Variants in PITX1 observed in about 807,000 individuals in gnomAD.
The protein encoded by PITX1 is paired like homeodomain 1.
In PITX1, 5 loss-of-function variants were observed where a neutral mutation model predicts 24.1. The observed-to-expected ratio is 0.21, with a 90% CI of 0.11 to 0.44. PITX1 has a LOEUF of 0.44. Ranked by LOEUF, PITX1 falls within the 20% of genes least tolerant of loss-of-function variation. The probability of loss-of-function intolerance (pLI) is 0.99; values close to 1 mark genes in which losing one functional copy is unlikely to be tolerated. For synonymous variants in PITX1, 213 were observed against 208.9 expected, an observed-to-expected ratio of 1.02 and a Z score of -0.17; for missense variants, 401 against 455.4, an observed-to-expected ratio of 0.88 and a Z score of 1.09.
Position 135,029,149 on chromosome 5 carries a change from G to A in PITX1, c.575C>T (p.Ala192Val), listed in dbSNP as rs201656428. 56 of 1,614,122 alleles carry A rather than the reference G, an allele frequency of 3.5e-5. No individual in the cohort carries two copies. The highest frequency in any genetic ancestry group is 1.9e-5 in the Non-Finnish European group (23 of 1,180,050). The change falls in exon 3 of 3, where the codon GCG becomes GTG. Residue 192 changes from alanine (A) to valine (V), a missense_variant. Ala to Val is a moderately conservative substitution (Grantham distance 64). Around this residue, in one of 3 missense-constraint regions of PITX1, gnomAD observed 217 missense variants for 219.8 expected, o/e 0.99. Transcript: ENST00000265340. ...NNWAAKSLAP[A>V]PLSTKSFTFF... ...GGTGAAGCTCTTGGTGGAGAGCGGC[G>A]CTGGCGCCAGGCTCTTGGCGGCCCA...
In PITX1 at chr5:135,033,643, C is replaced by T; in HGVS notation, c.169+70G>A. On this transcript the variant is annotated intron_variant, in intron 1 of 2. Transcript: ENST00000265340. The surrounding 1 kb of genome is among the most constrained non-coding windows in gnomAD (Gnocchi z 5.9). ...TGGTTGCGCGGCGCGGGCGTCAGGC[C>T]CTGCTCCCAGCTCCCCGTGCTCCGC... is the stretch of plus-strand genomic sequence containing the variant. 1 of 1,502,240 alleles carries T rather than the reference C, an allele frequency of 6.7e-7. No individual in the cohort carries two copies. Among genetic ancestry groups the T allele is most frequent in the Non-Finnish European group, 9.1e-7 (1 of 1,104,946 alleles). 93.1% of individuals were successfully genotyped at this position (1,502,240 alleles called of 1,614,324 possible).
Position 135,034,090 on chromosome 5 carries a change from C to T in PITX1, c.-209G>A, listed in dbSNP as rs1752520646. 1 of 175,994 alleles carries T rather than the reference C, an allele frequency of 5.7e-6. No individual in the cohort carries two copies. The highest frequency in any genetic ancestry group is 1.2e-5 in the Non-Finnish European group (1 of 84,934). The allele number at this position is 175,994 out of a possible 1,614,324, so 10.9% of individuals were successfully genotyped here. On this transcript the variant is annotated 5_prime_UTR_variant, in exon 1 of 3. Coordinates refer to ENST00000265340, the MANE Select transcript of PITX1 (RefSeq NM_002653.5). ...GCGGCGGCAGCTTCTCGCGACTGGG[C>T]GCCTGGCTCAGCGCTCCGCGCTGCG...
In PITX1 at chr5:135,028,755, G is replaced by C. The variant is rs1752396072; in HGVS notation, c.*24C>G. On this transcript the variant is annotated 3_prime_UTR_variant, in exon 3 of 3. Coordinates refer to ENST00000265340, the MANE Select transcript of PITX1 (RefSeq NM_002653.5). ...CGCGCCCTTCCCCGCTCCGGCCGCC[G>C]GCCCGCGTGGTGCGGCGGGGCGGTC... The C allele has an allele frequency of 2.0e-6, 3 of 1,534,190 alleles. No individual in the cohort carries two copies. Among genetic ancestry groups the C allele is most frequent in the African/African-American group, 1.4e-5 (1 of 72,536 alleles).
Position 135,033,744 on chromosome 5 carries a change from G to A in PITX1, c.138C>T (p.Ser46=), listed in dbSNP as rs745419544. 5 of 1,596,158 alleles carry A rather than the reference G, an allele frequency of 3.1e-6. No homozygotes were observed. The highest frequency in any genetic ancestry group is 2.2e-5 in the South Asian group (2 of 90,412). The change falls in exon 1 of 3, where the codon TCC becomes TCT. Residue 46 remains serine, a synonymous_variant. Transcript: ENST00000265340. The surrounding 1 kb of genome is among the most constrained non-coding windows in gnomAD (Gnocchi z 5.9). Reference sequence around the variant, plus strand: ...GCTCCGTGTCAGACGACTCGCTGGCGGAGTTCTCGAGCGGCTCGCGGGGGT... The same window carrying A: ...GCTCCGTGTCAGACGACTCGCTGGCAGAGTTCTCGAGCGGCTCGCGGGGGT... ...PADPREPLEN[S]ASESSDTELP...
At chr5:135,029,987 C>G (rs1752421059) in intron 2 of PITX1, among the ~76,000 whole-genome samples, 1 of 151,782 alleles carries the variant, frequency 6.6e-6, no homozygotes, top group Admixed American at 6.6e-5. Flanking sequence ...ACAGTTGATT[C>G]TTTTTCTCAA....
At position 135,028,705 on chromosome 5, in the gene PITX1, C is replaced by A; in HGVS notation, c.*74G>T. On this transcript the variant is annotated 3_prime_UTR_variant, in exon 3 of 3. Transcript: ENST00000265340. Reference sequence around the variant, plus strand: ...AGCTGGGGCTTGCGAGCCGGGGCCCCGCGTGCGTCCTCCGCGCCCGCGCCC... The same window carrying A: ...AGCTGGGGCTTGCGAGCCGGGGCCCAGCGTGCGTCCTCCGCGCCCGCGCCC... 7 of 1,133,998 alleles carry A rather than the reference C, an allele frequency of 6.2e-6. No homozygotes were observed. Among genetic ancestry groups the A allele is most frequent in the Non-Finnish European group, 7.8e-6 (7 of 900,584 alleles). 70.2% of individuals were successfully genotyped at this position (1,133,998 alleles called of 1,614,324 possible).
chr5:135,030,607 G>A (rs1390716656), intron 2 of PITX1, among the ~76,000 whole-genome samples: 1 of 152,202 alleles, frequency 6.6e-6, no homozygotes. Flanking sequence ...ATGCAGGCTG[G>A]TCTTGGGTCT....
In PITX1 at chr5:135,027,947, C is replaced by A. The variant is rs1752375027; in HGVS notation, c.*832G>T. On this transcript the variant is annotated 3_prime_UTR_variant, in exon 3 of 3. Transcript: ENST00000265340. ...GGCGGGCGGTGAGGAGGGGGCTGTT[C>A]GCCCAGACAGAGGGCCACCTCCTAG... 1 of 152,672 alleles carries A rather than the reference C, an allele frequency of 6.5e-6. No homozygotes were observed. The allele number at this position is 152,672 out of a possible 1,614,324, so 9.5% of individuals were successfully genotyped here.
intron 1 of PITX1, chr5:135,031,714 A>G: frequency 1.7e-6 from 1 of 598,096 alleles, no homozygotes; most frequent in Non-Finnish European, 3.0e-6. Context: ...CGCGGAGAAG[A>G]GCCCAAGAAT....
At chr5:135,031,857 G>A (rs1444695626) in intron 1 of PITX1, 7 of 373,634 alleles carry the variant, frequency 1.9e-5, no homozygotes, top group Admixed American at 4.4e-5. Flanking sequence ...CGAACTCTTA[G>A]GGGGTCTAAA....
Position 135,033,808 on chromosome 5 carries a change from T to TG in PITX1, c.73dup (p.His25ProfsTer2). On this transcript the variant is annotated frameshift_variant, in exon 1 of 3. Coordinates refer to ENST00000265340, the MANE Select transcript of PITX1 (RefSeq NM_002653.5). LOFTEE classifies it high-confidence loss of function. This position sits in a 1 kb window ranked among gnomAD's most constrained non-coding sequence, Gnocchi z 5.9. ...CAGGTGGAAGGCGGGCCCCATGTCA[T>TG]GGGGTGGCGGCGGCGGCGGCCGGAG... 6.4e-7 allele frequency: 1 copy of TG among 1,564,358 alleles called. No individual in the cohort carries two copies. The highest frequency in any genetic ancestry group is 8.6e-7 in the Non-Finnish European group (1 of 1,164,252).
chr5:135,033,445 CAA>C lies in PITX1; in HGVS notation c.169+266_169+267del, dbSNP rs1178720239. The C allele has an allele frequency of 1.9e-6, 1 of 525,950 alleles. No homozygotes were observed. Among genetic ancestry groups the C allele is most frequent in the Non-Finnish European group, 3.4e-6 (1 of 294,922 alleles). The allele number at this position is 525,950 out of a possible 1,614,324, so 32.6% of individuals were successfully genotyped here. A position where few individuals can be genotyped will look rare whatever the true frequency, so the allele number is the denominator to read the frequency against. On this transcript the variant is annotated intron_variant, in intron 1 of 2. Coordinates refer to ENST00000265340, the MANE Select transcript of PITX1 (RefSeq NM_002653.5). The surrounding 1 kb of genome is among the most constrained non-coding windows in gnomAD (Gnocchi z 5.9). ...CTTTCCCGTTCTATTTACTCCTGATCAAGAGGGGCTGTCAGTCCAACCCTCCA... is the reference window on the plus strand; with the variant it reads ...CTTTCCCGTTCTATTTACTCCTGATCGAGGGGCTGTCAGTCCAACCCTCCA...
chr5:135,028,573 T>C lies in PITX1; in HGVS notation c.*206A>G, dbSNP rs1353254259. 1 of 131,714 alleles carries C rather than the reference T, an allele frequency of 7.6e-6. No homozygotes were observed. The highest frequency in any genetic ancestry group is 1.7e-4 in the East Asian group (1 of 5,856). 8.2% of individuals were successfully genotyped at this position (131,714 alleles called of 1,614,324 possible). A position where few individuals can be genotyped will look rare whatever the true frequency, so the allele number is the denominator to read the frequency against. On this transcript the variant is annotated 3_prime_UTR_variant, in exon 3 of 3. Transcript: ENST00000265340. ...GCTTTTTTTTTTTTTTTTTTTTTTT[T>C]GTCTTTTTGGAGGGCAGAGTGGGGT...
intron 1 of PITX1, chr5:135,031,782 G>A (rs1430668606): frequency 1.8e-6 from 1 of 564,466 alleles, no homozygotes; most frequent in Non-Finnish European, 3.1e-6. Context: ...CCCTTAGCTC[G>A]GCTCAGATTC....
In PITX1 at chr5:135,033,762, G is replaced by A; in HGVS notation, c.120C>T (p.Arg40=). The A allele has an allele frequency of 6.3e-7, 1 of 1,588,940 alleles. No individual in the cohort carries two copies. Among genetic ancestry groups the A allele is most frequent in the Non-Finnish European group, 8.5e-7 (1 of 1,174,674 alleles). The change falls in exon 1 of 3, where the codon CGC becomes CGT. Residue 40 remains arginine (R), a synonymous_variant. Coordinates refer to ENST00000265340, the MANE Select transcript of PITX1 (RefSeq NM_002653.5). The surrounding 1 kb of genome is among the most constrained non-coding windows in gnomAD (Gnocchi z 5.9). ...AFHLARPADP[R]EPLENSASES... Reference sequence around the variant, plus strand: ...CGCTGGCGGAGTTCTCGAGCGGCTCGCGGGGGTCGGCGGGCCGGGCCAGGT... The same window carrying A: ...CGCTGGCGGAGTTCTCGAGCGGCTCACGGGGGTCGGCGGGCCGGGCCAGGT...
At chr5:135,032,594 C>G (rs912749517) in intron 1 of PITX1, among the ~76,000 whole-genome samples, 1 of 152,148 alleles carries the variant, frequency 6.6e-6, no homozygotes, top group African/African-American at 2.4e-5. Flanking sequence ...ATTTTAAATT[C>G]CAGACCTACA....
intron 2 of PITX1, among the ~76,000 whole-genome samples, chr5:135,030,632 TA>T (rs1752431069): frequency 6.6e-6 from 1 of 152,166 alleles, no homozygotes; most frequent in African/African-American, 2.4e-5. Flanking sequence ...TGGCATATCC[TA>T]AAAGGGACTG....
Position 135,028,901 on chromosome 5 carries a change from G to T in PITX1, c.823C>A (p.Arg275=), listed in dbSNP as rs1382064059. ...GTPASPYSVY[R]DTCNSSLASL... Reference sequence around the variant, plus strand: ...GCTAGGCTCGAGTTGCACGTGTCCCGGTAGACGCTGTAGGGCGAGGCGGGA... The same window carrying T: ...GCTAGGCTCGAGTTGCACGTGTCCCTGTAGACGCTGTAGGGCGAGGCGGGA... Residue 275 remains arginine (R), a synonymous_variant, in exon 3 of 3, where the codon CGG becomes AGG. Coordinates refer to ENST00000265340, the MANE Select transcript of PITX1 (RefSeq NM_002653.5). 6.2e-7 allele frequency: 1 copy of T among 1,613,816 alleles called. No individual in the cohort carries two copies. Among genetic ancestry groups the T allele is most frequent in the Non-Finnish European group, 8.5e-7 (1 of 1,179,948 alleles).
Position 135,033,651 on chromosome 5 carries a change from C to G in PITX1, c.169+62G>C. On this transcript the variant is annotated intron_variant, in intron 1 of 2. Transcript: ENST00000265340. This position sits in a 1 kb window ranked among gnomAD's most constrained non-coding sequence, Gnocchi z 5.9. ...CGGCGCGGGCGTCAGGCCCTGCTCC[C>G]AGCTCCCCGTGCTCCGCGCCCGGGT... 5.8e-6 allele frequency: 9 copies of G among 1,542,418 alleles called. No homozygotes were observed. Among genetic ancestry groups the G allele is most frequent in the Non-Finnish European group, 7.9e-6 (9 of 1,139,166 alleles).
Sources: allele counts gnomAD v4.1 joint callset (sites outside exome capture counted in the v4.1 genomes callset), GRCh38; gene constraint gnomAD v4.1.1; regional missense constraint gnomAD v4.1.1; non-coding constraint Gnocchi (gnomAD v3.1); transcripts MANE v1.5; gene names NCBI Gene and HGNC (gene_info 2026-07-23, HGNC 2026-07-21).